The following ZNF827 variants were observed in gnomAD, a reference collection of about 807,000 sequenced individuals.
The protein encoded by ZNF827 is zinc finger protein 827.
ZNF827 carries 13 observed loss-of-function variants against 102.4 expected under a neutral mutation model. The observed-to-expected ratio is 0.13, with a 90% CI of 0.08 to 0.20. The LOEUF (loss-of-function observed/expected upper bound fraction) is 0.20, where lower values mean the gene tolerates loss of function less well. Among genes scored for constraint, ZNF827 ranks in the 10% least tolerant of loss-of-function variants. The pLI, the probability that ZNF827 is intolerant of heterozygous loss-of-function variation, is 1.00. For missense variants in ZNF827, 1,103 were observed against 1,344.4 expected, an observed-to-expected ratio of 0.82 and a Z score of 2.81; for synonymous variants, 523 against 536.2, an observed-to-expected ratio of 0.98 and a Z score of 0.34.
At chr4:145,938,129 G>GGT (rs1561099037) in intron 1 of ZNF827, among the ~76,000 whole-genome samples, 2 of 151,754 alleles carry the variant, frequency 1.3e-5, no homozygotes, top group African/African-American at 4.8e-5. Flanking sequence ...AAAAGGGGGG[G>GGT]GGTGAGAGAA....
intron 5 of ZNF827, among the ~76,000 whole-genome samples, chr4:145,859,758 C>T (rs545025087): frequency 1.1e-4 from 17 of 152,278 alleles, no homozygotes; most frequent in African/African-American, 2.2e-4. Context: ...GGGAAGAGGA[C>T]GCAACCCTTA....
chr4:145,930,147 T>C (rs553143340), intron 1 of ZNF827, among the ~76,000 whole-genome samples: 20 of 152,298 alleles, frequency 1.3e-4, no homozygotes, highest in Admixed American at 2.6e-4. Context: ...AAAAGCTTTT[T>C]AAAATACAGC....
intron 2 of ZNF827, among the ~76,000 whole-genome samples, chr4:145,895,074 T>C (rs1382857390): frequency 1.3e-5 from 2 of 152,202 alleles, no homozygotes; most frequent in Non-Finnish European, 2.9e-5. Context: ...GATCCCCATC[T>C]TCAAGAAGTA....
At position 145,902,516 on chromosome 4, in the gene ZNF827, G is replaced by A. The variant is rs1426279400; in HGVS notation, c.743C>T (p.Ser248Phe). Reference protein sequence around the residue: ...ESFSSPFSSQSASSTLAALSK... With the variant: ...ESFSSPFSSQFASSTLAALSK... ...CAAAGCGGCCAAGGTAGAACTGGCA[G>A]ACTGGGAGCTAAAAGGGGAGGAAAA... The change falls in exon 2 of 15, where the codon TCT becomes TTT. Residue 248 changes from serine (S) to phenylalanine (F), a missense_variant. Ser to Phe is a radical substitution (Grantham distance 155). Transcript: ENST00000508784. This position sits in a 1 kb window ranked among gnomAD's most constrained non-coding sequence, Gnocchi z 4.3. 3.1e-6 allele frequency: 5 copies of A among 1,614,038 alleles called. No homozygotes were observed. Among genetic ancestry groups the A allele is most frequent in the Non-Finnish European group, 3.4e-6 (4 of 1,180,036 alleles).
intron 1 of ZNF827, 23 bp downstream of exon 1, chr4:145,938,342 G>T: frequency 6.2e-7 from 1 of 1,613,820 alleles, no homozygotes; most frequent in Non-Finnish European, 8.5e-7. Flanking sequence ...GGCACGAGAG[G>T]AGGTGGAGAA....
intron 7 of ZNF827, 108 bp from the exon 8 acceptor site, chr4:145,823,633 G>A (rs1023165197): frequency 2.8e-5 from 20 of 717,982 alleles, no homozygotes; most frequent in Non-Finnish European, 4.6e-5. Context: ...AGGTGTTGCT[G>A]TTTGCAACGG....
At chr4:145,786,038 C>G (rs1395217112) in intron 8 of ZNF827, among the ~76,000 whole-genome samples, 1 of 152,148 alleles carries the variant, frequency 6.6e-6, no homozygotes, top group Non-Finnish European at 1.5e-5. Flanking sequence ...AACAGCCAAT[C>G]CTCTCTGAGG....
chr4:145,853,837 T>A (rs1032443753), intron 5 of ZNF827, among the ~76,000 whole-genome samples: 1 of 152,002 alleles, frequency 6.6e-6, no homozygotes, highest in Non-Finnish European at 1.5e-5. Flanking sequence ...TGGTGGCACA[T>A]GCTTGTAGTC....
At chr4:145,817,750 T>A (rs1236857985) in intron 8 of ZNF827, among the ~76,000 whole-genome samples, 2 of 152,198 alleles carry the variant, frequency 1.3e-5, no homozygotes, top group Non-Finnish European at 2.9e-5. Flanking sequence ...TTGTAGACCT[T>A]CTCATCTCTT....
chr4:145,808,597 T>C (rs1171432931), intron 8 of ZNF827, among the ~76,000 whole-genome samples: 1 of 152,204 alleles, frequency 6.6e-6, no homozygotes, highest in Non-Finnish European at 1.5e-5. Context: ...ATTATGAAGG[T>C]AGTAGGTACA....
intron 8 of ZNF827, among the ~76,000 whole-genome samples, chr4:145,791,742 C>T (rs936301298): frequency 2.0e-5 from 3 of 152,254 alleles, no homozygotes; most frequent in Admixed American, 6.5e-5. Flanking sequence ...CTCTGGGCAC[C>T]GTGCTAAGGC....
chr4:145,931,246 T>C (rs1355375270), intron 1 of ZNF827, among the ~76,000 whole-genome samples: 2 of 152,240 alleles, frequency 1.3e-5, no homozygotes, highest in East Asian at 3.9e-4. Flanking sequence ...TTAGCTACCA[T>C]GAACTATAAA....
chr4:145,880,664 T>C (rs1749584162), intron 4 of ZNF827, among the ~76,000 whole-genome samples: 1 of 152,244 alleles, frequency 6.6e-6, no homozygotes, highest in Non-Finnish European at 1.5e-5. Flanking sequence ...TCAAGCCGCT[T>C]ACACATATAA....
chr4:145,930,973 G>A (rs1185079527), intron 1 of ZNF827, among the ~76,000 whole-genome samples: 1 of 152,206 alleles, frequency 6.6e-6, no homozygotes, highest in Non-Finnish European at 1.5e-5. Context: ...AAACTACTTT[G>A]TAACTACAAC....
intron 3 of ZNF827, among the ~76,000 whole-genome samples, chr4:145,890,961 G>T (rs1314930758): frequency 6.6e-6 from 1 of 152,144 alleles, no homozygotes; most frequent in Non-Finnish European, 1.5e-5. Context: ...GTTCTATCTG[G>T]TCACACTTTT....
chr4:145,826,438 T>C (rs978404232), intron 7 of ZNF827, among the ~76,000 whole-genome samples: 2 of 152,216 alleles, frequency 1.3e-5, no homozygotes, highest in African/African-American at 2.4e-5. Context: ...AAGAACCCTA[T>C]GAGAGTAGCC....
At chr4:145,770,935 C>T (rs1736190505) in intron 11 of ZNF827, 1 of 152,192 alleles carries the variant, frequency 6.6e-6, no homozygotes, top group Non-Finnish European at 1.5e-5. Context: ...TGAGTACCAG[C>T]ATCATCCCAG....
intron 7 of ZNF827, 56 bp downstream of exon 7, chr4:145,845,900 T>C: frequency 6.3e-7 from 1 of 1,576,068 alleles, no homozygotes; most frequent in African/African-American, 1.3e-5. Flanking sequence ...CAACATGTAG[T>C]ACGGGCTGGT....
At chr4:145,903,635 C>G (rs1371150245) in intron 1 of ZNF827, among the ~76,000 whole-genome samples, 1 of 152,202 alleles carries the variant, frequency 6.6e-6, no homozygotes, top group Admixed American at 6.5e-5. Flanking sequence ...CCGTGAGACA[C>G]AGACAGTGGG....
Sources: gnomAD v4.1 joint callset for allele counts (sites outside exome capture counted in the v4.1 genomes callset) on GRCh38, gnomAD v4.1.1 for gene constraint, Gnocchi (gnomAD v3.1) non-coding constraint, MANE v1.5 for transcripts, NCBI Gene and HGNC (gene_info 2026-07-23, HGNC 2026-07-21) for gene names.